The following USP34 variants were observed in gnomAD, a reference collection of about 807,000 sequenced individuals.
USP34 encodes ubiquitin specific peptidase 34.
In USP34, 70 loss-of-function variants were observed where a neutral mutation model predicts 460.3. That is an observed-to-expected ratio of 0.15 (90% CI 0.13 to 0.19). USP34 has a LOEUF of 0.19. Ranked by LOEUF, USP34 falls within the 10% of genes least tolerant of loss-of-function variation. The pLI, the probability that USP34 is intolerant of heterozygous loss-of-function variation, is 1.00. For synonymous variants in USP34, 1,647 were observed against 1,405.3 expected, an observed-to-expected ratio of 1.17 and a Z score of -3.85; for missense variants, 3,985 against 4,236.2, an observed-to-expected ratio of 0.94 and a Z score of 1.65.
chr2:61,347,334 T>C (rs1399064622), intron 15 of USP34, among the ~76,000 whole-genome samples: 1 of 152,192 alleles, frequency 6.6e-6, no homozygotes, highest in African/African-American at 2.4e-5. Context: ...TGGATATTAT[T>C]GGTTTAACAT....
intron 38 of USP34, 46 bp from the exon 39 acceptor site, chr2:61,280,394 T>C (rs1689498612): frequency 2.1e-6 from 2 of 937,112 alleles, no homozygotes; most frequent in Admixed American, 3.5e-5. Flanking sequence ...TAAAAATAAA[T>C]AAAATTATAA....
intron 22 of USP34, among the ~76,000 whole-genome samples, chr2:61,318,947 A>G (rs1690831343): frequency 6.6e-6 from 1 of 152,236 alleles, no homozygotes; most frequent in Non-Finnish European, 1.5e-5. Flanking sequence ...TATTGTAGCT[A>G]ATAGAACATT....
chr2:61,448,883 A>C (rs1695191538), intron 1 of USP34, among the ~76,000 whole-genome samples: 1 of 152,208 alleles, frequency 6.6e-6, no homozygotes, highest in South Asian at 2.1e-4. Context: ...GGCCGGATAC[A>C]GTGGCTCATG....
intron 5 of USP34, among the ~76,000 whole-genome samples, chr2:61,385,124 C>G (rs764507062): frequency 2.0e-5 from 3 of 151,994 alleles, no homozygotes; most frequent in Non-Finnish European, 4.4e-5. Flanking sequence ...ATACAGTTTT[C>G]AAAACGATTC....
intron 24 of USP34, 31 bp downstream of exon 24, chr2:61,314,844 T>G: frequency 6.3e-7 from 1 of 1,599,042 alleles, no homozygotes; most frequent in Non-Finnish European, 8.5e-7. Context: ...ACATAGAAAT[T>G]ACCTATCAGA....
chr2:61,336,851 A>G (rs1332474804), intron 18 of USP34, among the ~76,000 whole-genome samples: 2 of 151,306 alleles, frequency 1.3e-5, no homozygotes, highest in Non-Finnish European at 2.9e-5. Context: ...AAAAACCTCA[A>G]TCCTCCCAAA....
At chr2:61,227,978 G>A (rs1687778587) in intron 61 of USP34, among the ~76,000 whole-genome samples, 1 of 152,158 alleles carries the variant, frequency 6.6e-6, no homozygotes, top group African/African-American at 2.4e-5. Context: ...GCTTCTAAAT[G>A]CAGACTCAAA....
chr2:61,450,886 CAA>C (rs71405120), intron 1 of USP34, among the ~76,000 whole-genome samples: 12 of 127,314 alleles, frequency 9.4e-5, no homozygotes, highest in Admixed American at 1.6e-4. Flanking sequence ...GGAGGAGATG[CAA>C]AAAAAAAAAA....
At chr2:61,204,741 TTC>T (rs1687067916) in intron 72 of USP34, 140 bp from the exon 73 acceptor site, 5 of 653,506 alleles carry the variant, frequency 7.7e-6, no homozygotes, top group East Asian at 2.6e-5. Context: ...CGAGTAGAAA[TTC>T]TGTCTTATGC....
At chr2:61,211,214 T>C (rs994784560) in intron 69 of USP34, among the ~76,000 whole-genome samples, 1 of 152,178 alleles carries the variant, frequency 6.6e-6, no homozygotes, top group African/African-American at 2.4e-5. Context: ...CTTCCAAGTC[T>C]TAGATGTAAT....
At position 61,349,391 on chromosome 2, in the gene USP34, G is replaced by A. The variant is rs1315722007; in HGVS notation, c.1508-106C>T. The A allele has an allele frequency of 6.0e-6, 7 of 1,161,672 alleles. No homozygotes were observed. In the Admixed American group the frequency reaches 1.4e-4, roughly 24 times the overall value. The allele number at this position is 1,161,672 out of a possible 1,614,324, so 72.0% of individuals were successfully genotyped here. A position where few individuals can be genotyped will look rare whatever the true frequency, so the allele number is the denominator to read the frequency against. On this transcript the variant is annotated intron_variant, in intron 12 of 79. Transcript: ENST00000398571. ...ACATAATCAACAAGATGTAAGTGGA[G>A]AAACCTGCAATAAGGTTAAGTCCCC...
chr2:61,459,454 C>T (rs185810271), intron 1 of USP34, among the ~76,000 whole-genome samples: 84 of 152,252 alleles, frequency 5.5e-4, no homozygotes, highest in Admixed American at 9.8e-4. Flanking sequence ...CATGACACCA[C>T]CTCCTAAAAT....
chr2:61,370,903 A>G (rs1448884880), intron 8 of USP34, among the ~76,000 whole-genome samples: 4 of 152,192 alleles, frequency 2.6e-5, no homozygotes, highest in Admixed American at 6.5e-5. Flanking sequence ...TTTCCACAGT[A>G]TGTATTGAAG....
At chr2:61,392,405 C>T (rs1693376717) in intron 5 of USP34, among the ~76,000 whole-genome samples, 1 of 152,162 alleles carries the variant, frequency 6.6e-6, no homozygotes, top group South Asian at 2.1e-4. Flanking sequence ...GGGCGGATCA[C>T]AGGAGGTCAG....
At chr2:61,463,208 A>G (rs1695658610) in intron 1 of USP34, among the ~76,000 whole-genome samples, 1 of 151,554 alleles carries the variant, frequency 6.6e-6, no homozygotes, top group Non-Finnish European at 1.5e-5. Flanking sequence ...GGTACAGCAT[A>G]CCCCAACACT....
intron 1 of USP34, among the ~76,000 whole-genome samples, chr2:61,470,271 G>A (rs1246925146): frequency 2.6e-5 from 4 of 152,192 alleles, no homozygotes; most frequent in Admixed American, 2.6e-4. Flanking sequence ...TTTGGACTGC[G>A]GAGGAAAGCC....
At chr2:61,321,426 T>C (rs1690918637) in intron 21 of USP34, among the ~76,000 whole-genome samples, 1 of 152,120 alleles carries the variant, frequency 6.6e-6, no homozygotes, top group African/African-American at 2.4e-5. Flanking sequence ...AGCCAAGATT[T>C]GCGCCACTGC....
At chr2:61,220,730 CTTGCTAA>C (rs2103808093) in intron 66 of USP34, among the ~76,000 whole-genome samples, 1 of 152,242 alleles carries the variant, frequency 6.6e-6, no homozygotes, top group South Asian at 2.1e-4. Flanking sequence ...ACTTCTAGGT[CTTGCTAA>C]ATTTGGAAAT....
At chr2:61,311,723 A>C (rs753196957) in intron 26 of USP34, 36 bp from the exon 27 acceptor site, 1 of 1,608,816 alleles carries the variant, frequency 6.2e-7, no homozygotes, top group East Asian at 2.2e-5. Context: ...AAAAATACAA[A>C]AAGAACAGAT....
Sources: gnomAD v4.1 joint callset for allele counts (sites outside exome capture counted in the v4.1 genomes callset) on GRCh38, gnomAD v4.1.1 for gene constraint, MANE v1.5 for transcripts, NCBI Gene and HGNC (gene_info 2026-07-23, HGNC 2026-07-21) for gene names.